Variants in LDB3 observed in about 807,000 individuals in gnomAD.
The protein encoded by LDB3 is LIM domain binding 3.
A neutral mutation model predicts 69.0 loss-of-function variants in LDB3; 49 were observed. The observed-to-expected ratio is 0.71, with a 90% CI of 0.56 to 0.90. The LOEUF is 0.90. Among genes scored for constraint, LDB3 ranks in the 40% least tolerant of loss-of-function variants. The pLI is 0.00. For synonymous variants in LDB3, 387 were observed against 396.2 expected, an observed-to-expected ratio of 0.98 and a Z score of 0.28; for missense variants, 928 against 974.1, an observed-to-expected ratio of 0.95 and a Z score of 0.63.
intron 5 of LDB3, among the ~76,000 whole-genome samples, chr10:86,683,454 T>C (rs1257273228): frequency 6.6e-6 from 1 of 152,206 alleles, no homozygotes; most frequent in Non-Finnish European, 1.5e-5. Context: ...TGACTCCACT[T>C]TGCATTGAGA....
chr10:86,667,288 C>T (rs1253659756), upstream of LDB3, among the ~76,000 whole-genome samples: 1 of 152,160 alleles, frequency 6.6e-6, no homozygotes, highest in Non-Finnish European at 1.5e-5. Flanking sequence ...ACTGACTCCT[C>T]AGGGTCCAAG....
In LDB3 at chr10:86,699,126, G is replaced by A. The variant is rs961951802; in HGVS notation, c.896+6555G>A. Reference sequence around the variant, plus strand: ...TGGATTGCATAGCTTCTCCAAGCCCGTTCCCTCCCTCCCATGCCCTCTGCC... The same window carrying A: ...TGGATTGCATAGCTTCTCCAAGCCCATTCCCTCCCTCCCATGCCCTCTGCC... On this transcript the variant is annotated intron_variant, in intron 7 of 13. Transcript: ENST00000361373. The surrounding 1 kb of genome is among the most constrained non-coding windows in gnomAD (Gnocchi z 4.9). 15 of 912,924 alleles carry A rather than the reference G, an allele frequency of 1.6e-5. No homozygotes were observed. The highest frequency in any genetic ancestry group is 4.2e-5 in the South Asian group (3 of 71,852). The allele number at this position is 912,924 out of a possible 1,614,324, so 56.6% of individuals were successfully genotyped here.
chr10:86,724,428 C>A (rs932783630), intron 12 of LDB3, among the ~76,000 whole-genome samples: 6 of 151,722 alleles, frequency 4.0e-5, no homozygotes, highest in Admixed American at 2.0e-4. Flanking sequence ...CATGGTGAAG[C>A]CCCATCTCTA....
intron 2 of LDB3, among the ~76,000 whole-genome samples, chr10:86,673,434 G>T (rs1386551856): frequency 1.3e-5 from 2 of 152,194 alleles, no homozygotes; most frequent in Non-Finnish European, 2.9e-5. Flanking sequence ...GAGGAGTCTG[G>T]AGGTGCAGAA....
chr10:86,681,744 G>T lies in LDB3; in HGVS notation c.630G>T (p.Met210Ile). The change falls in exon 5 of 14, where the codon ATG becomes ATT. Residue 210 changes from methionine (M) to isoleucine (I), a missense_variant. Transcript: ENST00000361373. The part of the protein sequence containing the change: ...GLYSAETLRE[M>I]AQMYQMSLRG... ...ACTCGGCAGAGACCCTGAGGGAGAT[G>T]GCTCAGATGTACCAGATGAGCCTCC... is the stretch of plus-strand genomic sequence containing the variant. 1 of 1,606,116 alleles carries T rather than the reference G, an allele frequency of 6.2e-7. No homozygotes were observed. Among genetic ancestry groups the T allele is most frequent in the South Asian group, 1.1e-5 (1 of 90,172 alleles).
At chr10:86,713,518 T>C (rs1304510889) in intron 9 of LDB3, among the ~76,000 whole-genome samples, 1 of 152,222 alleles carries the variant, frequency 6.6e-6, no homozygotes, top group African/African-American at 2.4e-5. Flanking sequence ...GTGCTGGGAT[T>C]ACAGGCGTGA....
intron 13 of LDB3, among the ~76,000 whole-genome samples, chr10:86,728,738 C>G (rs948467074): frequency 1.6e-4 from 24 of 151,920 alleles, no homozygotes; most frequent in Admixed American, 9.2e-4. Context: ...CCTGCCACCA[C>G]ACCTGGCTAA....
chr10:86,726,094 GC>G, intron 12 of LDB3, 42 bp from the exon 13 acceptor site: 2 of 1,436,308 alleles, frequency 1.4e-6, no homozygotes, highest in Non-Finnish European at 2.0e-6. Context: ...GGTCCCCGCT[GC>G]CCCCACTGGG....
intron 2 of LDB3, among the ~76,000 whole-genome samples, chr10:86,674,239 T>C (rs940601510): frequency 2.6e-5 from 4 of 152,190 alleles, no homozygotes; most frequent in Non-Finnish European, 5.9e-5. Context: ...TAATCCCCTG[T>C]TTAACGACAT....
At chr10:86,687,277 G>T (rs761090088) in intron 5 of LDB3, 206 of 1,613,796 alleles carry the variant, frequency 1.3e-4, no homozygotes, top group Non-Finnish European at 1.6e-4. Flanking sequence ...CAGTGGGTAA[G>T]CGCCTCCCTC....
At chr10:86,666,814 G>C (rs1340243640), upstream of LDB3, 1 of 470,818 alleles carries the variant, frequency 2.1e-6, no homozygotes, top group Non-Finnish European at 4.4e-6. Context: ...CATCAGGCAG[G>C]AGCCAGAGGC....
intron 7 of LDB3, among the ~76,000 whole-genome samples, chr10:86,701,977 T>C (rs1846277373): frequency 6.6e-6 from 1 of 152,200 alleles, no homozygotes; most frequent in African/African-American, 2.4e-5. Flanking sequence ...GTGTTCTTCA[T>C]CTAGACCACA....
At chr10:86,688,229 CAA>C (rs1029988062) in intron 5 of LDB3, among the ~76,000 whole-genome samples, 6 of 152,264 alleles carry the variant, frequency 3.9e-5, no homozygotes, top group African/African-American at 1.4e-4. Flanking sequence ...CAATTCAAGG[CAA>C]AAAGTCTTGA....
chr10:86,676,486 AC>A (rs761305923), intron 2 of LDB3, among the ~76,000 whole-genome samples: 41 of 149,280 alleles, frequency 2.7e-4, no homozygotes, highest in Non-Finnish European at 5.8e-4. Context: ...AATCGCTTGA[AC>A]CCAGGAGGCG....
intron 5 of LDB3, 117 bp downstream of exon 5, chr10:86,681,920 C>T (rs754319407): frequency 1.2e-5 from 13 of 1,112,334 alleles, no homozygotes; most frequent in Middle Eastern, 2.6e-4. Context: ...CAGCCAGCCC[C>T]GAGCCCATGA....
chr10:86,688,283 T>G (rs112132777), intron 5 of LDB3, among the ~76,000 whole-genome samples: 45 of 152,116 alleles, frequency 3.0e-4, no homozygotes, highest in African/African-American at 9.6e-4. Flanking sequence ...AAAACCGATG[T>G]AATAAGAGGG....
chr10:86,710,094 G>T, intron 9 of LDB3, 44 bp downstream of exon 9: 1 of 1,603,698 alleles, frequency 6.2e-7, no homozygotes, highest in Non-Finnish European at 8.5e-7. Flanking sequence ...AGCCATGGGC[G>T]GGCTCCAGGA....
chr10:86,676,014 A>C (rs1844772953), intron 2 of LDB3, among the ~76,000 whole-genome samples: 1 of 152,232 alleles, frequency 6.6e-6, no homozygotes, highest in Non-Finnish European at 1.5e-5. Flanking sequence ...CTCTACACTC[A>C]AGGCAGCAAT....
intron 5 of LDB3, chr10:86,687,330 C>T: frequency 6.7e-7 from 1 of 1,485,844 alleles, no homozygotes; most frequent in Non-Finnish European, 9.4e-7. Context: ...GGGGTATGGG[C>T]CATTGGGCAC....
Sources: gnomAD v4.1 joint callset for allele counts (sites outside exome capture counted in the v4.1 genomes callset) on GRCh38, gnomAD v4.1.1 for gene constraint, Gnocchi (gnomAD v3.1) non-coding constraint, MANE v1.5 for transcripts, NCBI Gene and HGNC (gene_info 2026-07-23, HGNC 2026-07-21) for gene names.